The following DHX57 variants were observed in gnomAD, a reference collection of about 807,000 sequenced individuals.
The protein encoded by DHX57 is DExH-box helicase 57.
DHX57 carries 105 observed loss-of-function variants against 156.2 expected under a neutral mutation model. That is an observed-to-expected ratio of 0.67 (90% CI 0.57 to 0.79). DHX57 has a LOEUF of 0.79. DHX57 is among the 30% of genes least tolerant of loss of function. The pLI is 0.00. For missense variants in DHX57, 1,847 were observed against 1,661.9 expected, an observed-to-expected ratio of 1.11 and a Z score of -1.94; for synonymous variants, 704 against 595.6, an observed-to-expected ratio of 1.18 and a Z score of -2.65.
intron 6 of DHX57, 120 bp downstream of exon 6, chr2:38,858,541 C>T: frequency 7.4e-7 from 1 of 1,343,378 alleles, no homozygotes; most frequent in East Asian, 2.4e-5. Flanking sequence ...AAACTTTGAC[C>T]ACTCAGGGAG....
At chr2:38,868,486 G>A (rs1302343636) in intron 1 of DHX57, 75 bp from the exon 2 acceptor site, 1 of 1,406,528 alleles carries the variant, frequency 7.1e-7, no homozygotes, top group Non-Finnish European at 9.8e-7. Context: ...CCAAACTTAT[G>A]AATATAGGCT....
In DHX57 at chr2:38,864,474, G is replaced by A. The variant is rs111304436; in HGVS notation, c.225-955C>T. Among the ~76,000 whole-genome samples the A allele has an allele frequency of 4.1e-3, 619 of 152,210 alleles. 3 individuals carry two copies. Among genetic ancestry groups the A allele is most frequent in the African/African-American group, 0.014 (587 of 41,532 alleles). Reference sequence around the variant, plus strand: ...GAAATGATCAGTTAAACATGAGGGGGAGTTGGGAGTTTCACATGCTCCTAT... The same window carrying A: ...GAAATGATCAGTTAAACATGAGGGGAAGTTGGGAGTTTCACATGCTCCTAT... On this transcript the variant is annotated intron_variant, in intron 2 of 23. Coordinates refer to ENST00000457308, the MANE Select transcript of DHX57 (RefSeq NM_198963.3).
chr2:38,863,864 T>C (rs147384486), intron 2 of DHX57, among the ~76,000 whole-genome samples: 13 of 151,866 alleles, frequency 8.6e-5, no homozygotes, highest in Non-Finnish European at 1.6e-4. Context: ...AATACAAAAA[T>C]TATCTGGGCG....
At chr2:38,860,463 T>G (rs1013646336) in intron 5 of DHX57, among the ~76,000 whole-genome samples, 3 of 151,780 alleles carry the variant, frequency 2.0e-5, no homozygotes, top group Admixed American at 6.6e-5. Context: ...AAAATAAAAA[T>G]AAAAAGAATT....
At chr2:38,811,300 C>T in intron 21 of DHX57, 1 of 525,190 alleles carries the variant, frequency 1.9e-6, no homozygotes, top group Non-Finnish European at 3.8e-6. Context: ...CAAACCAGAC[C>T]TGATCGTTCC....
intron 21 of DHX57, among the ~76,000 whole-genome samples, chr2:38,809,379 C>T (rs1670119510): frequency 6.6e-6 from 1 of 151,994 alleles, no homozygotes; most frequent in Non-Finnish European, 1.5e-5. Context: ...CTCACCTCAG[C>T]CTTACAAAGT....
Position 38,845,860 on chromosome 2 carries a change from G to C in DHX57, c.2219+1159C>G, listed in dbSNP as rs1389476750. On this transcript the variant is annotated intron_variant, in intron 11 of 23. Coordinates refer to ENST00000457308, the MANE Select transcript of DHX57 (RefSeq NM_198963.3). ...TACAATGATGATGATGATAATAATAGCTAACTTTTTTTTTTTTTTTTTTGA... is the reference window on the plus strand; with the variant it reads ...TACAATGATGATGATGATAATAATACCTAACTTTTTTTTTTTTTTTTTTGA... 5.4e-5 allele frequency among the ~76,000 whole-genome samples: 8 copies of C among 147,144 alleles called. 1 individual carries two copies. The highest frequency in any genetic ancestry group is 2.0e-4 in the African/African-American group (8 of 39,702).
intron 20 of DHX57, 137 bp downstream of exon 20, chr2:38,815,384 G>T: frequency 1.7e-6 from 2 of 1,162,866 alleles, no homozygotes; most frequent in Middle Eastern, 2.1e-4. Context: ...TTATTTGTGC[G>T]AAGCAGAAAA....
At chr2:38,801,583 T>C (rs961641941) in intron 23 of DHX57, among the ~76,000 whole-genome samples, 5 of 148,904 alleles carry the variant, frequency 3.4e-5, no homozygotes, top group Non-Finnish European at 4.5e-5. Context: ...CTAATTTTTT[T>C]TTTTGTATTT....
chr2:38,836,775 C>CAA lies in DHX57; in HGVS notation c.2542+1054_2542+1055dup, dbSNP rs964200602. On this transcript the variant is annotated intron_variant, in intron 13 of 23. Coordinates refer to ENST00000457308, the MANE Select transcript of DHX57 (RefSeq NM_198963.3). ...TGGGCAAGAGAGTGAGACCCTGTCT[C>CAA]AAAAAAAAAAAAAAAAAAAAAAGAA... Among the ~76,000 whole-genome samples the CAA allele has an allele frequency of 6.6e-3, 275 of 41,584 alleles. 2 individuals carry two copies. The highest frequency in any genetic ancestry group is 0.016 in the African/African-American group (195 of 12,120). 27.3% of individuals were successfully genotyped at this position (41,584 alleles called of 152,430 possible). A position where few individuals can be genotyped will look rare whatever the true frequency, so the allele number is the denominator to read the frequency against.
At position 38,847,148 on chromosome 2, in the gene DHX57, A is replaced by T. The variant is rs756002996; in HGVS notation, c.2165-75T>A. On this transcript the variant is annotated intron_variant, in intron 10 of 23. Coordinates refer to ENST00000457308, the MANE Select transcript of DHX57 (RefSeq NM_198963.3). ...CATCTTGAAATAGTTTATATATATA[A>T]AATTCTCTTAAAGCTTGTCATGCTA... 780 of 1,164,972 alleles carry T rather than the reference A, an allele frequency of 6.7e-4. 1 individual carries two copies. Among genetic ancestry groups the T allele is most frequent in the Admixed American group, 2.2e-3 (101 of 45,242 alleles). 72.2% of individuals were successfully genotyped at this position (1,164,972 alleles called of 1,614,324 possible). A position where few individuals can be genotyped will look rare whatever the true frequency, so the allele number is the denominator to read the frequency against.
chr2:38,831,322 C>CTTT (rs11348384), intron 13 of DHX57, among the ~76,000 whole-genome samples: 1 of 116,950 alleles, frequency 8.6e-6, no homozygotes, highest in African/African-American at 2.9e-5. Context: ...TTCTTTATTT[C>CTTT]TTTTTTTTTT....
At chr2:38,855,492 T>C (rs936463039) in intron 7 of DHX57, among the ~76,000 whole-genome samples, 1 of 152,200 alleles carries the variant, frequency 6.6e-6, no homozygotes, top group Non-Finnish European at 1.5e-5. Context: ...ATTGGGACTA[T>C]TGAACAGACA....
chr2:38,813,495 C>G (rs6708518), intron 21 of DHX57, among the ~76,000 whole-genome samples: 2,283 of 151,664 alleles, frequency 0.015, 64 homozygotes, highest in African/African-American at 0.053. Flanking sequence ...CTCAGCCTCC[C>G]GAGTAGCTGG....
At chr2:38,843,869 A>AT (rs1057368706) in intron 11 of DHX57, among the ~76,000 whole-genome samples, 6 of 152,010 alleles carry the variant, frequency 3.9e-5, no homozygotes, top group East Asian at 1.9e-4. Flanking sequence ...AAGTGGCTCG[A>AT]TTTTTTTTCC....
rs761876560 is a variant in DHX57, at chr2:38,802,739, G to A, written c.3993C>T (p.Ile1331=). The A allele has an allele frequency of 6.2e-7, 1 of 1,613,980 alleles. No homozygotes were observed. The highest frequency in any genetic ancestry group is 8.5e-7 in the Non-Finnish European group (1 of 1,180,030). ...EFVVSLDDGW[I]RFVAASHQVA... ...CCTGATGGGAAGCAGCTACAAAACGGATCCAACCATCATCCAGGGAGACAA... is the reference window on the plus strand; with the variant it reads ...CCTGATGGGAAGCAGCTACAAAACGAATCCAACCATCATCCAGGGAGACAA... Residue 1331 remains isoleucine (I), a synonymous_variant, in exon 23 of 24, where the codon ATC becomes ATT. Transcript: ENST00000457308.
rs1253966765 is a variant in DHX57, at chr2:38,825,962, G to A, written c.2899C>T (p.Arg967Cys). 4 of 1,614,188 alleles carry A rather than the reference G, an allele frequency of 2.5e-6. No homozygotes were observed. The highest frequency in any genetic ancestry group is 1.1e-5 in the South Asian group (1 of 91,090). ...NALQRKGRAG[R>C]VASGVCFHLF... ...TGGAAGCAGACCCCAGATGCAACAC[G>A]GCCTGCTCGGCCTTTCCTTTGTAGA... Residue 967 changes from arginine to cysteine, a missense_variant, in exon 16 of 24, where the codon CGT becomes TGT. By Grantham distance (180) the Arg-to-Cys change is radical (BLOSUM62 -3). Coordinates refer to ENST00000457308, the MANE Select transcript of DHX57 (RefSeq NM_198963.3).
intron 12 of DHX57, chr2:38,838,828 T>G (rs1435595488): frequency 2.2e-6 from 1 of 455,070 alleles, no homozygotes; most frequent in South Asian, 1.6e-5. Context: ...AGTCTACTCA[T>G]AGACCCTCAC....
intron 13 of DHX57, among the ~76,000 whole-genome samples, chr2:38,830,398 T>G (rs1184941742): frequency 6.6e-6 from 1 of 151,904 alleles, no homozygotes; most frequent in East Asian, 1.9e-4. Context: ...GAGGCTGAGG[T>G]GGGTGGATCA....
Sources: gnomAD v4.1 joint callset for allele counts (sites outside exome capture counted in the v4.1 genomes callset) on GRCh38, gnomAD v4.1.1 for gene constraint, MANE v1.5 for transcripts, NCBI Gene and HGNC (gene_info 2026-07-23, HGNC 2026-07-21) for gene names.